The following ANKS1B variants were observed in gnomAD, a reference collection of about 807,000 sequenced individuals.
The protein encoded by ANKS1B is ankyrin repeat and sterile alpha motif domain containing 1B.
In ANKS1B, 36 loss-of-function variants were observed where a neutral mutation model predicts 148.3. That is an observed-to-expected ratio of 0.24 (90% CI 0.19 to 0.32). ANKS1B has a LOEUF of 0.32. Among genes scored for constraint, ANKS1B ranks in the 10% least tolerant of loss-of-function variants. The pLI is 1.00. For synonymous variants in ANKS1B, 542 were observed against 560.8 expected (o/e 0.97, Z 0.47); for missense variants, 1,157 against 1,542.6 (o/e 0.75, Z 4.19).
rs73379373 is a variant in ANKS1B at position 99,254,769 on chromosome 12, T to C, written c.1757-7905A>G. 5.4e-3 allele frequency among the ~76,000 whole-genome samples: 818 copies of C among 152,336 alleles called. 7 individuals are homozygous for C. The highest frequency in any genetic ancestry group is 0.019 in the African/African-American group (786 of 41,576). ...ATGTTTTTCTGCATCTGTTCAGTTATGTAATTTTTCTCCTTTACTCTGTTA... is the reference window on the plus strand; with the variant it reads ...ATGTTTTTCTGCATCTGTTCAGTTACGTAATTTTTCTCCTTTACTCTGTTA... On this transcript the variant is annotated intron_variant, in intron 12 of 26. Coordinates refer to ENST00000683438, the MANE Select transcript of ANKS1B (RefSeq NM_001352186.2).
intron 17 of ANKS1B, among the ~76,000 whole-genome samples, chr12:98,987,648 C>T (rs190652138): frequency 1.3e-5 from 2 of 152,230 alleles, no homozygotes; most frequent in East Asian, 1.9e-4. Flanking sequence ...TGGACAATCA[C>T]AGCATCATAT....
chr12:98,914,092 T>C (rs547483239), intron 17 of ANKS1B, among the ~76,000 whole-genome samples: 5 of 152,286 alleles, frequency 3.3e-5, no homozygotes, highest in African/African-American at 1.2e-4. Context: ...GGAGGTGGAA[T>C]CTGGTGGGAG....
At chr12:98,752,724 C>T (rs2153403650) in intron 25 of ANKS1B, among the ~76,000 whole-genome samples, 1 of 152,278 alleles carries the variant, frequency 6.6e-6, no homozygotes, top group Middle Eastern at 3.4e-3. Flanking sequence ...TCAAAGCTCT[C>T]CCTGTGGGCA....
intron 8 of ANKS1B, among the ~76,000 whole-genome samples, chr12:99,765,060 G>A (rs2153612404): frequency 6.6e-6 from 1 of 152,254 alleles, no homozygotes; most frequent in Non-Finnish European, 1.5e-5. Flanking sequence ...ATGATGAAAA[G>A]GTGAGAGGTC....
intron 9 of ANKS1B, among the ~76,000 whole-genome samples, chr12:99,605,828 T>A (rs2097847480): frequency 6.6e-6 from 1 of 152,114 alleles, no homozygotes; most frequent in Non-Finnish European, 1.5e-5. Context: ...CACACTGACT[T>A]CATTTAATCT....
intron 17 of ANKS1B, among the ~76,000 whole-genome samples, chr12:98,863,589 A>T (rs974018156): frequency 1.3e-5 from 2 of 152,186 alleles, no homozygotes; most frequent in African/African-American, 2.4e-5. Context: ...TATATGTTCA[A>T]TGTTGGTAGG....
At chr12:99,133,006 G>C (rs1267236461) in intron 15 of ANKS1B, among the ~76,000 whole-genome samples, 1 of 147,126 alleles carries the variant, frequency 6.8e-6, no homozygotes, top group African/African-American at 2.5e-5. Flanking sequence ...TATCTCTTAA[G>C]TATATGGCAA....
chr12:99,974,362 A>G (rs2095599434), intron 1 of ANKS1B, among the ~76,000 whole-genome samples: 1 of 152,232 alleles, frequency 6.6e-6, no homozygotes, highest in South Asian at 2.1e-4. Context: ...GTCTGAAAAC[A>G]AATCCACAAT....
chr12:99,894,507 T>C (rs1208300907), intron 1 of ANKS1B, among the ~76,000 whole-genome samples: 52 of 42,410 alleles, frequency 1.2e-3, no homozygotes, highest in Admixed American at 1.7e-3. Context: ...GGACCCTGTC[T>C]CAAAAAAAAA....
intron 9 of ANKS1B, among the ~76,000 whole-genome samples, chr12:99,582,357 AAGAC>A (rs1023531321): frequency 6.6e-6 from 1 of 152,120 alleles, no homozygotes; most frequent in Non-Finnish European, 1.5e-5. Flanking sequence ...TTAAAAAAAA[AAGAC>A]AGAGATGAAA....
intron 14 of ANKS1B, among the ~76,000 whole-genome samples, chr12:99,241,610 T>C (rs559734181): frequency 2.0e-5 from 3 of 152,100 alleles, no homozygotes; most frequent in African/African-American, 7.2e-5. Context: ...GAGAATTTTA[T>C]GCCAATATCC....
At chr12:98,991,549 C>T (rs914145413) in intron 17 of ANKS1B, among the ~76,000 whole-genome samples, 12 of 152,236 alleles carry the variant, frequency 7.9e-5, no homozygotes, top group South Asian at 6.2e-4. Flanking sequence ...GTCTTGCAAA[C>T]GACCTGAACA....
chr12:99,520,713 C>T (rs1399476888), intron 9 of ANKS1B, among the ~76,000 whole-genome samples: 3 of 152,138 alleles, frequency 2.0e-5, no homozygotes, highest in East Asian at 1.9e-4. Flanking sequence ...CCTTTTGAGG[C>T]TATTTTCCAG....
At chr12:99,321,033 G>A (rs550512382) in intron 12 of ANKS1B, among the ~76,000 whole-genome samples, 4 of 152,126 alleles carry the variant, frequency 2.6e-5, no homozygotes, top group Non-Finnish European at 4.4e-5. Flanking sequence ...ATTGCAGAAC[G>A]GCACATGTTG....
At chr12:98,863,406 G>A (rs538633638) in intron 17 of ANKS1B, among the ~76,000 whole-genome samples, 10 of 152,320 alleles carry the variant, frequency 6.6e-5, no homozygotes, top group African/African-American at 2.4e-4. Flanking sequence ...TTCCTTGTCA[G>A]CTGCAAAGCC....
intron 9 of ANKS1B, among the ~76,000 whole-genome samples, chr12:99,652,082 TATATAC>T (rs1349332661): frequency 3.3e-5 from 5 of 150,810 alleles, no homozygotes; most frequent in Non-Finnish European, 7.4e-5. Context: ...TGTATATATA[TATATAC>T]ACACACATAT....
intron 1 of ANKS1B, among the ~76,000 whole-genome samples, chr12:99,913,346 A>G (rs1045224107): frequency 2.0e-5 from 3 of 152,244 alleles, no homozygotes; most frequent in Admixed American, 6.5e-5. Context: ...AAAAGGAAAC[A>G]TCAAATTTTG....
intron 14 of ANKS1B, among the ~76,000 whole-genome samples, chr12:99,231,136 G>A (rs956003258): frequency 1.3e-5 from 2 of 152,124 alleles, no homozygotes; most frequent in Non-Finnish European, 2.9e-5. Flanking sequence ...ATTAGAGTTT[G>A]TGCATTCACT....
At chr12:99,310,220 C>A (rs2082948841) in intron 12 of ANKS1B, among the ~76,000 whole-genome samples, 1 of 151,852 alleles carries the variant, frequency 6.6e-6, no homozygotes, top group African/African-American at 2.4e-5. Context: ...GAAAATATAC[C>A]CTGTATCATC....
Sources: allele counts gnomAD v4.1 joint callset (sites outside exome capture counted in the v4.1 genomes callset), GRCh38; gene constraint gnomAD v4.1.1; transcripts MANE v1.5; gene names NCBI Gene and HGNC (gene_info 2026-07-23, HGNC 2026-07-21).